The following TUSC3 variants were observed in gnomAD, a reference collection of about 807,000 sequenced individuals.
TUSC3 encodes the protein dolichyl-diphosphooligosaccharide--protein glycosyltransferase subunit TUSC3.
A neutral mutation model predicts 44.8 loss-of-function variants in TUSC3; 45 were observed. The observed-to-expected ratio is 1.00, with a 90% CI of 0.79 to 1.29. The LOEUF (loss-of-function observed/expected upper bound fraction) is 1.29, where lower values mean the gene tolerates loss of function less well. Among genes scored for constraint, TUSC3 ranks in the 50% most tolerant of loss-of-function variants. TUSC3 has a pLI of 0.00. For synonymous variants in TUSC3, 212 were observed against 152.9 expected, an observed-to-expected ratio of 1.39 and a Z score of -2.85; for missense variants, 519 against 437.9, an observed-to-expected ratio of 1.19 and a Z score of -1.65.
At chr8:15,470,947 G>C (rs532101223) in intron 1 of TUSC3, among the ~76,000 whole-genome samples, 24 of 151,808 alleles carry the variant, frequency 1.6e-4, no homozygotes, top group African/African-American at 5.6e-4. Context: ...TGCAATAAGT[G>C]AGTGGGAAAA....
intron 1 of TUSC3, among the ~76,000 whole-genome samples, chr8:15,447,062 A>G (rs967930298): frequency 2.0e-5 from 3 of 152,122 alleles, no homozygotes; most frequent in Admixed American, 6.5e-5. Context: ...AGAAAAAAAA[A>G]ATAGGATAAG....
chr8:15,814,491 T>C, the TUSC3 span, among the ~76,000 whole-genome samples: 8 of 152,336 alleles, frequency 5.3e-5, no homozygotes, highest in East Asian at 1.3e-3. Flanking sequence ...CCAATATGTA[T>C]ACATTTGATT....
chr8:15,523,310 A>T (rs1378589685), intron 2 of TUSC3, among the ~76,000 whole-genome samples: 1 of 152,084 alleles, frequency 6.6e-6, no homozygotes, highest in Admixed American at 6.5e-5. Context: ...AGGGTGTAAG[A>T]TGAGAAGCGG....
chr8:15,516,270 T>C (rs551302902), intron 2 of TUSC3, among the ~76,000 whole-genome samples: 8 of 152,316 alleles, frequency 5.3e-5, no homozygotes, highest in African/African-American at 1.9e-4. Context: ...TACAGAGGAA[T>C]GCATTAATTT....
chr8:15,505,279 G>C (rs1396581517), intron 2 of TUSC3, among the ~76,000 whole-genome samples: 1 of 152,126 alleles, frequency 6.6e-6, no homozygotes, highest in Admixed American at 6.5e-5. Context: ...AAGTTAAACT[G>C]CACTGTCAAT....
intron 1 of TUSC3, among the ~76,000 whole-genome samples, chr8:15,474,159 GCT>G (rs1800536033): frequency 6.6e-6 from 1 of 152,124 alleles, no homozygotes. Context: ...GAAAAATATG[GCT>G]CTGTTTTGCC....
intron 1 of TUSC3, among the ~76,000 whole-genome samples, chr8:15,479,056 G>T (rs1475421263): frequency 6.6e-6 from 1 of 152,150 alleles, no homozygotes; most frequent in East Asian, 1.9e-4. Context: ...TTGTTCATAT[G>T]TTTGTTGGCC....
chr8:15,458,727 CAT>C (rs1354159136), intron 1 of TUSC3, among the ~76,000 whole-genome samples: 4 of 152,126 alleles, frequency 2.6e-5, no homozygotes, highest in South Asian at 2.1e-4. Flanking sequence ...ACTAATTTTT[CAT>C]AGAGTTCAGA....
At chr8:15,770,866 TCAAACTTAC>T (rs1812430152), downstream of TUSC3, among the ~76,000 whole-genome samples, 2 of 152,040 alleles carry the variant, frequency 1.3e-5, no homozygotes, top group African/African-American at 4.8e-5. Flanking sequence ...GAAATAATGT[TCAAACTTAC>T]CAAATCTGAA....
chr8:15,623,083 C>A lies in TUSC3; in HGVS notation c.142C>A (p.Leu48Ile), dbSNP rs1450723374. 15 of 1,613,440 alleles carry A rather than the reference C, an allele frequency of 9.3e-6. No individual in the cohort carries two copies. Among genetic ancestry groups the A allele is most frequent in the Non-Finnish European group, 1.3e-5 (15 of 1,179,724 alleles). Reference protein sequence around the residue: ...LGGGQKKKENLLAEKVEQLME... With the variant: ...LGGGQKKKENILAEKVEQLME... ...TAATTTCTGTGTTTAATTGCAGAAT[C>A]TTTTAGCTGAAAAAGTAGAGCAGCT... is the stretch of plus-strand genomic sequence containing the variant. Residue 48 changes from leucine (L) to isoleucine (I), a missense_variant, in exon 2 of 11, where the codon CTT becomes ATT. By Grantham distance (5) the Leu-to-Ile change is conservative. Transcript: ENST00000503731.
chr8:15,612,525 A>C (rs774428805), intron 1 of TUSC3, among the ~76,000 whole-genome samples: 1 of 152,234 alleles, frequency 6.6e-6, no homozygotes, highest in African/African-American at 2.4e-5. Context: ...GAGTGGTGTC[A>C]TAATTTGGAG....
chr8:15,517,183 G>T (rs1289185911), intron 2 of TUSC3, among the ~76,000 whole-genome samples: 1 of 152,088 alleles, frequency 6.6e-6, no homozygotes, highest in East Asian at 1.9e-4. Context: ...ACACCAATTT[G>T]CCATAATTTA....
At chr8:15,697,161 T>A (rs1809204985) in intron 6 of TUSC3, among the ~76,000 whole-genome samples, 1 of 152,198 alleles carries the variant, frequency 6.6e-6, no homozygotes, top group African/African-American at 2.4e-5. Flanking sequence ...TTGTTTGGAT[T>A]TTGTCTCTAT....
At chr8:15,773,197 C>CT in the TUSC3 span, among the ~76,000 whole-genome samples, 3 of 152,112 alleles carry the variant, frequency 2.0e-5, no homozygotes, top group Non-Finnish European at 4.4e-5. Context: ...TGCTTACTTC[C>CT]TTTCACAGAT....
intron 6 of TUSC3, among the ~76,000 whole-genome samples, chr8:15,722,188 G>A (rs1449268975): frequency 2.6e-5 from 4 of 151,086 alleles, no homozygotes; most frequent in East Asian, 1.9e-4. Context: ...GGCAGCTATC[G>A]TGAATTATTT....
chr8:15,432,154 C>G (rs1799880566), intron 1 of TUSC3, among the ~76,000 whole-genome samples: 1 of 151,930 alleles, frequency 6.6e-6, no homozygotes, highest in African/African-American at 2.4e-5. Flanking sequence ...TCCTCCTCCT[C>G]AATCATCTGG....
chr8:15,768,606 A>G (rs571101893), downstream of TUSC3, among the ~76,000 whole-genome samples: 12 of 152,264 alleles, frequency 7.9e-5, no homozygotes, highest in East Asian at 2.3e-3. Flanking sequence ...GAATATCAGT[A>G]AAGAGATAAA....
intron 1 of TUSC3, among the ~76,000 whole-genome samples, chr8:15,609,419 G>C (rs1171907569): frequency 6.6e-6 from 1 of 152,140 alleles, no homozygotes; most frequent in East Asian, 1.9e-4. Context: ...TGTACAGCTG[G>C]AAGTAGATTT....
At chr8:15,647,545 A>G (rs1806688460) in intron 2 of TUSC3, among the ~76,000 whole-genome samples, 2 of 152,160 alleles carry the variant, frequency 1.3e-5, no homozygotes, top group Non-Finnish European at 2.9e-5. Context: ...TGGTTGCATC[A>G]TAGCTTCACA....
Sources: allele counts gnomAD v4.1 joint callset (sites outside exome capture counted in the v4.1 genomes callset), GRCh38; gene constraint gnomAD v4.1.1; transcripts MANE v1.5; gene names NCBI Gene and HGNC (gene_info 2026-07-23, HGNC 2026-07-21).